Variants in PSMD14 observed in about 807,000 individuals in gnomAD.
PSMD14 encodes proteasome 26S subunit, non-ATPase 14, also known as ubiquitin C-terminal hydrolase PSMD14.
A neutral mutation model predicts 41.2 loss-of-function variants in PSMD14; 7 were observed. That is an observed-to-expected ratio of 0.17 (90% CI 0.10 to 0.32). The LOEUF is 0.32. Ranked by LOEUF, PSMD14 falls within the 10% of genes least tolerant of loss-of-function variation. The pLI is 1.00. For missense variants in PSMD14, 139 were observed against 375.6 expected (o/e 0.37, Z 5.21); for synonymous variants, 114 against 122.3 (o/e 0.93, Z 0.45).
At chr2:161,347,091 A>G (rs1053874994) in intron 3 of PSMD14, among the ~76,000 whole-genome samples, 2 of 152,024 alleles carry the variant, frequency 1.3e-5, no homozygotes, top group African/African-American at 4.8e-5. Context: ...TCCCCTCTGC[A>G]CTGCAGTCCA....
intron 3 of PSMD14, among the ~76,000 whole-genome samples, chr2:161,347,957 G>C (rs1429503724): frequency 6.6e-6 from 1 of 152,068 alleles, no homozygotes; most frequent in African/African-American, 2.4e-5. Flanking sequence ...ACATATAATT[G>C]ACAAGGTATT....
chr2:161,361,468 T>TTCC (rs1553506341), intron 3 of PSMD14, among the ~76,000 whole-genome samples: 1 of 151,536 alleles, frequency 6.6e-6, no homozygotes, highest in Admixed American at 6.6e-5. Flanking sequence ...ATTTTTTTTT[T>TTCC]CACATACATA....
chr2:161,400,122 G>T (rs1030049052), intron 10 of PSMD14, among the ~76,000 whole-genome samples: 1 of 152,166 alleles, frequency 6.6e-6, no homozygotes, highest in African/African-American at 2.4e-5. Flanking sequence ...ATCTAAGGTT[G>T]TGTTAGCTCA....
intron 10 of PSMD14, among the ~76,000 whole-genome samples, chr2:161,406,373 T>A (rs1447292967): frequency 1.3e-5 from 2 of 152,198 alleles, no homozygotes; most frequent in Non-Finnish European, 2.9e-5. Flanking sequence ...TGCTTTTTTG[T>A]TGGTTGAGTA....
intron 3 of PSMD14, among the ~76,000 whole-genome samples, chr2:161,363,469 C>T (rs954236481): frequency 6.6e-6 from 1 of 152,042 alleles, no homozygotes; most frequent in Admixed American, 6.5e-5. Context: ...ATCTTTTTAT[C>T]TTGGTCTGTC....
intron 2 of PSMD14, among the ~76,000 whole-genome samples, chr2:161,316,801 C>T (rs1689152613): frequency 6.6e-6 from 1 of 152,110 alleles, no homozygotes; most frequent in South Asian, 2.1e-4. Flanking sequence ...AAATATGTTT[C>T]CTCTTTGCTG....
chr2:161,394,713 T>A (rs1683767374), intron 9 of PSMD14, among the ~76,000 whole-genome samples: 1 of 152,164 alleles, frequency 6.6e-6, no homozygotes, highest in Admixed American at 6.6e-5. Context: ...TTGTAAGCAT[T>A]ATACAAGTAA....
chr2:161,337,343 G>A (rs983610798), intron 3 of PSMD14, among the ~76,000 whole-genome samples: 3 of 152,152 alleles, frequency 2.0e-5, no homozygotes, highest in Non-Finnish European at 4.4e-5. Flanking sequence ...GATGTTTATT[G>A]TTAGGAGTAG....
intron 1 of PSMD14, among the ~76,000 whole-genome samples, chr2:161,309,953 G>A (rs1221685145): frequency 6.6e-6 from 1 of 152,036 alleles, no homozygotes; most frequent in African/African-American, 2.4e-5. Context: ...GATCCAGCCT[G>A]GCCAAGACTA....
At chr2:161,311,170 A>G (rs1338215741) in intron 1 of PSMD14, among the ~76,000 whole-genome samples, 5 of 152,064 alleles carry the variant, frequency 3.3e-5, no homozygotes. Flanking sequence ...TTAGCCGGGC[A>G]TGGGGGCGTG....
intron 3 of PSMD14, among the ~76,000 whole-genome samples, chr2:161,359,948 G>A (rs760450878): frequency 9.9e-5 from 15 of 152,124 alleles, no homozygotes; most frequent in Admixed American, 6.5e-5. Flanking sequence ...CGAAGCTTTT[G>A]TTTAACCACA....
At chr2:161,340,804 G>T in intron 3 of PSMD14, 1 of 1,613,686 alleles carries the variant, frequency 6.2e-7, no homozygotes, top group African/African-American at 1.3e-5. Flanking sequence ...GGACGCTAAG[G>T]ATAACTTCGT....
At chr2:161,358,073 A>G (rs1020837121) in intron 3 of PSMD14, among the ~76,000 whole-genome samples, 1 of 152,092 alleles carries the variant, frequency 6.6e-6, no homozygotes, top group African/African-American at 2.4e-5. Context: ...GCCTAAGCCA[A>G]TTTTAAAAAT....
chr2:161,342,575 T>G (rs980260596), intron 3 of PSMD14, among the ~76,000 whole-genome samples: 5 of 152,164 alleles, frequency 3.3e-5, no homozygotes, highest in Non-Finnish European at 7.4e-5. Context: ...GAAATAAGTT[T>G]CTTGTAGGCA....
At position 161,341,153 on chromosome 2, in the gene PSMD14, G is replaced by T. The variant is rs1275366792; in HGVS notation, c.48+22280G>T. 6.9e-5 allele frequency: 72 copies of T among 1,038,636 alleles called. No homozygotes were observed. The South Asian group carries it at 8.3e-4, about 12-fold the overall frequency. The allele number at this position is 1,038,636 out of a possible 1,614,324, so 64.3% of individuals were successfully genotyped here. On this transcript the variant is annotated intron_variant, in intron 3 of 11. Coordinates refer to ENST00000409682, the MANE Select transcript of PSMD14 (RefSeq NM_005805.6). The stretch of plus-strand genomic sequence containing the variant: ...AGGCCGCCGGCTCGGGGGCGCAGGG[G>T]CGGGACGGCGCCGGGGCCCCGGTGG...
intron 5 of PSMD14, among the ~76,000 whole-genome samples, chr2:161,368,281 C>T (rs1683385902): frequency 6.6e-6 from 1 of 151,982 alleles, no homozygotes; most frequent in African/African-American, 2.4e-5. Flanking sequence ...TATACTGGTT[C>T]TTATGTCTTG....
chr2:161,385,720 G>T lies in PSMD14; in HGVS notation c.570+149G>T, dbSNP rs1574137925. The T allele has an allele frequency of 3.0e-5, 17 of 559,284 alleles. No homozygotes were observed. In the East Asian group the frequency reaches 5.1e-4, roughly 17 times the overall value. 34.6% of individuals were successfully genotyped at this position (559,284 alleles called of 1,614,324 possible). A position where few individuals can be genotyped will look rare whatever the true frequency, so the allele number is the denominator to read the frequency against. ...TTAAAAGAATTGTGGAAATACTGTT[G>T]TAAAAATTAGATTTGCTCATATGTG... is the stretch of plus-strand genomic sequence containing the variant. On this transcript the variant is annotated intron_variant, in intron 8 of 11. Coordinates refer to ENST00000409682, the MANE Select transcript of PSMD14 (RefSeq NM_005805.6).
intron 3 of PSMD14, among the ~76,000 whole-genome samples, chr2:161,365,202 G>C (rs1159151767): frequency 2.0e-5 from 3 of 152,230 alleles, no homozygotes; most frequent in Non-Finnish European, 4.4e-5. Flanking sequence ...TGAATCAGAA[G>C]AAAATCCATT....
At chr2:161,380,271 A>G (rs1559051071) in intron 7 of PSMD14, among the ~76,000 whole-genome samples, 3 of 151,904 alleles carry the variant, frequency 2.0e-5, no homozygotes, top group South Asian at 4.1e-4. Flanking sequence ...AAACCTCTAC[A>G]CCATACTGAC....
Sources: allele counts gnomAD v4.1 joint callset (sites outside exome capture counted in the v4.1 genomes callset), GRCh38; gene constraint gnomAD v4.1.1; transcripts MANE v1.5; gene names NCBI Gene and HGNC (gene_info 2026-07-23, HGNC 2026-07-21).